Variants in TLL2 observed in about 807,000 individuals in gnomAD.
The protein encoded by TLL2 is tolloid-like protein 2.
TLL2 carries 106 observed loss-of-function variants against 123.0 expected under a neutral mutation model. The observed-to-expected ratio is 0.86, with a 90% CI of 0.74 to 1.01. The LOEUF (loss-of-function observed/expected upper bound fraction) is 1.01, where lower values mean the gene tolerates loss of function less well. TLL2 is among the 50% of genes least tolerant of loss of function. The pLI, the probability that TLL2 is intolerant of heterozygous loss-of-function variation, is 0.00. For synonymous variants in TLL2, 494 were observed against 516.8 expected (o/e 0.96, Z 0.60); for missense variants, 1,332 against 1,336.7 (o/e 1.00, Z 0.06).
Position 96,366,849 on chromosome 10 carries a change from A to C in TLL2, c.*1239T>G, listed in dbSNP as rs1846033555. 6.5e-6 allele frequency: 1 copy of C among 152,672 alleles called. No homozygotes were observed. Among genetic ancestry groups the C allele is most frequent in the Non-Finnish European group, 1.5e-5 (1 of 68,052 alleles). The allele number at this position is 152,672 out of a possible 1,614,324, so 9.5% of individuals were successfully genotyped here. A position where few individuals can be genotyped will look rare whatever the true frequency, so the allele number is the denominator to read the frequency against. On this transcript the variant is annotated 3_prime_UTR_variant, in exon 21 of 21. Transcript: ENST00000357947. ...AGCTTTTAGCTCATAATGCCCATAG[A>C]TGCCTTAATGAAATGCCATTCAAAA...
At chr10:96,386,857 C>T in intron 14 of TLL2, 96 bp downstream of exon 14, 1 of 1,561,974 alleles carries the variant, frequency 6.4e-7, no homozygotes, top group Non-Finnish European at 8.8e-7. Flanking sequence ...GCCCATCGTT[C>T]CTACACAGCC....
At chr10:96,410,643 C>A (rs1474599933) in intron 8 of TLL2, 169 bp from the exon 9 acceptor site, 8 of 692,732 alleles carry the variant, frequency 1.2e-5, no homozygotes, top group African/African-American at 7.0e-5. Context: ...AACAAAAGCA[C>A]AAGTAGGACC....
At chr10:96,494,688 G>A (rs1847453671) in intron 1 of TLL2, among the ~76,000 whole-genome samples, 1 of 152,356 alleles carries the variant, frequency 6.6e-6, no homozygotes, top group Non-Finnish European at 1.5e-5. Context: ...CACGGGGGAA[G>A]AGACGAGGTC....
At chr10:96,473,605 G>A (rs1431596003) in intron 2 of TLL2, among the ~76,000 whole-genome samples, 2 of 152,182 alleles carry the variant, frequency 1.3e-5, no homozygotes, top group Non-Finnish European at 2.9e-5. Context: ...TAGGAAGTGA[G>A]GATTTAGAGC....
chr10:96,379,705 CCAGCTACGCGGGAGGCTGAGGCAGGAGA>C (rs1846169157), intron 16 of TLL2, among the ~76,000 whole-genome samples: 1 of 152,178 alleles, frequency 6.6e-6, no homozygotes, highest in East Asian at 1.9e-4. Context: ...GCCTGTAATC[CCAGCTACGCGGGAGGCTGAGGCAGGAGA>C]ATTGCTTGAA....
At chr10:96,413,805 A>G (rs1465022018) in intron 7 of TLL2, among the ~76,000 whole-genome samples, 1 of 152,154 alleles carries the variant, frequency 6.6e-6, no homozygotes, top group East Asian at 1.9e-4. Flanking sequence ...CCCAGTTTGG[A>G]GGCCCTGCTG....
At chr10:96,369,499 G>A (rs1401831303) in intron 20 of TLL2, among the ~76,000 whole-genome samples, 5 of 152,112 alleles carry the variant, frequency 3.3e-5, no homozygotes, top group Non-Finnish European at 5.9e-5. Flanking sequence ...GGTGGCTCAC[G>A]CCTGTAGTCC....
In TLL2 at chr10:96,365,423, C is replaced by T. The variant is rs1564890788; in HGVS notation, c.*2665G>A. Reference sequence around the variant, plus strand: ...GCTTAGCTTTTGCTAGACCGGGTTACACCAGAACGGAGCCAGGCTAAAAAC... The same window carrying T: ...GCTTAGCTTTTGCTAGACCGGGTTATACCAGAACGGAGCCAGGCTAAAAAC... On this transcript the variant is annotated 3_prime_UTR_variant, in exon 21 of 21. Transcript: ENST00000357947. 1 of 152,248 alleles carries T rather than the reference C, an allele frequency of 6.6e-6. No homozygotes were observed. 9.4% of individuals were successfully genotyped at this position (152,248 alleles called of 1,614,324 possible). A position where few individuals can be genotyped will look rare whatever the true frequency, so the allele number is the denominator to read the frequency against.
intron 1 of TLL2, 125 bp downstream of exon 1, chr10:96,513,386 G>C: frequency 8.2e-7 from 1 of 1,212,168 alleles, no homozygotes; most frequent in Non-Finnish European, 1.1e-6. Context: ...TCTTCCGGGG[G>C]AGCCGGGGAT....
At chr10:96,396,116 C>G (rs1298360596) in intron 11 of TLL2, 96 bp from the exon 12 acceptor site, 3 of 1,446,806 alleles carry the variant, frequency 2.1e-6, no homozygotes, top group Non-Finnish European at 2.8e-6. Flanking sequence ...GCGCTTGCCA[C>G]CACTAGGTGG....
intron 12 of TLL2, 124 bp downstream of exon 12, chr10:96,395,751 T>C (rs1308372734): frequency 2.3e-6 from 3 of 1,276,884 alleles, no homozygotes; most frequent in South Asian, 1.6e-5. Flanking sequence ...CAATTCACTA[T>C]GGGCTTGAGA....
At chr10:96,409,575 C>G (rs1488748823) in intron 9 of TLL2, among the ~76,000 whole-genome samples, 1 of 152,200 alleles carries the variant, frequency 6.6e-6, no homozygotes, top group Non-Finnish European at 1.5e-5. Context: ...AATGTTCAAG[C>G]CTCAAATTCC....
chr10:96,509,819 C>T (rs917083845), intron 1 of TLL2, among the ~76,000 whole-genome samples: 14 of 152,182 alleles, frequency 9.2e-5, no homozygotes, highest in Admixed American at 4.6e-4. Context: ...TAGTGGCAGG[C>T]GCCTGTAGTC....
intron 2 of TLL2, among the ~76,000 whole-genome samples, chr10:96,447,251 C>G (rs1846904817): frequency 6.6e-6 from 1 of 152,236 alleles, no homozygotes; most frequent in Non-Finnish European, 1.5e-5. Flanking sequence ...GAGAGGGAGG[C>G]AGGCCCACAC....
chr10:96,415,079 C>G (rs1313011730), intron 7 of TLL2, among the ~76,000 whole-genome samples: 1 of 152,152 alleles, frequency 6.6e-6, no homozygotes, highest in African/African-American at 2.4e-5. Flanking sequence ...AGGCACGTGC[C>G]TTTTTTGCTT....
At position 96,445,146 on chromosome 10, in the gene TLL2, A is replaced by G. The variant is rs11188755; in HGVS notation, c.364+945T>C. On this transcript the variant is annotated intron_variant, in intron 3 of 20. Transcript: ENST00000357947. ...GGAGCTTGCAGTGAGCTGAGATCGC[A>G]CCACTGCACTCCAGCCTGGGCGACA... Among the ~76,000 whole-genome samples, 1,318 of 152,218 alleles carry G rather than the reference A, an allele frequency of 8.7e-3. 14 individuals carry two copies. Among genetic ancestry groups the G allele is most frequent in the African/African-American group, 0.027 (1,140 of 41,544 alleles).
At position 96,459,349 on chromosome 10, in the gene TLL2, C is replaced by A. The variant is rs144095132; in HGVS notation, c.287-13181G>T. ...CCACCAAATATTAAAACATATAAGG[C>A]CGGATGCAGTTGCTCACACCTGTAA... On this transcript the variant is annotated intron_variant, in intron 2 of 20. Transcript: ENST00000357947. 3.7e-3 allele frequency among the ~76,000 whole-genome samples: 562 copies of A among 152,012 alleles called. 6 individuals are homozygous for A. The highest frequency in any genetic ancestry group is 0.013 in the African/African-American group (531 of 41,484).
intron 1 of TLL2, among the ~76,000 whole-genome samples, chr10:96,500,847 T>G (rs1299077418): frequency 6.6e-6 from 1 of 151,392 alleles, no homozygotes; most frequent in Non-Finnish European, 1.5e-5. Context: ...AAAATCTGTA[T>G]GTCCAACAAT....
At position 96,393,046 on chromosome 10, in the gene TLL2, A is replaced by G. The variant is rs79508312; in HGVS notation, c.1726+2141T>C. On this transcript the variant is annotated intron_variant, in intron 13 of 20. Transcript: ENST00000357947. ...ACACTGGCCATTACTGGCTTTGACC[A>G]TGGAAGGGGACCATGAGCCAAGGAA... 8.5e-3 allele frequency among the ~76,000 whole-genome samples: 1,295 copies of G among 152,328 alleles called. 58 individuals carry two copies. The South Asian group carries it at 0.11, about 12-fold the overall frequency.
Sources: gnomAD v4.1 joint callset for allele counts (sites outside exome capture counted in the v4.1 genomes callset) on GRCh38, gnomAD v4.1.1 for gene constraint, MANE v1.5 for transcripts, NCBI Gene and HGNC (gene_info 2026-07-23, HGNC 2026-07-21) for gene names.